Variants in PCDHA2 observed in about 807,000 individuals in gnomAD.
The protein encoded by PCDHA2 is protocadherin alpha-2.
PCDHA2 carries 58 observed loss-of-function variants against 66.0 expected under a neutral mutation model. The ratio of observed to expected loss-of-function variants is 0.88; its 90% CI spans 0.71 to 1.09. The LOEUF (loss-of-function observed/expected upper bound fraction) is 1.09, where lower values mean the gene tolerates loss of function less well. PCDHA2 is among the 50% of genes least tolerant of loss of function. The pLI is 0.00. For synonymous variants in PCDHA2, 634 were observed against 554.0 expected (o/e 1.14, Z -2.03); for missense variants, 1,267 against 1,242.3 (o/e 1.02, Z -0.30).
chr5:140,986,366 G>A (rs149115330), intron 3 of PCDHA2, among the ~76,000 whole-genome samples: 226 of 152,252 alleles, frequency 1.5e-3, no homozygotes, highest in African/African-American at 5.1e-3. Context: ...GGAGGAATGC[G>A]TTTTGGGGGG....
At chr5:140,835,895 G>T in intron 1 of PCDHA2, 1 of 1,612,076 alleles carries the variant, frequency 6.2e-7, no homozygotes, top group Non-Finnish European at 8.5e-7. Flanking sequence ...AGCGCGCGCT[G>T]TCGAGCTACG....
chr5:140,925,299 T>C (rs2082428309), intron 1 of PCDHA2, among the ~76,000 whole-genome samples: 1 of 152,200 alleles, frequency 6.6e-6, no homozygotes, highest in African/African-American at 2.4e-5. Context: ...GTTTCATTAT[T>C]GGGGCTTTGG....
intron 1 of PCDHA2, among the ~76,000 whole-genome samples, chr5:140,975,124 C>T (rs560299893): frequency 6.6e-6 from 1 of 152,268 alleles, no homozygotes; most frequent in African/African-American, 2.4e-5. Flanking sequence ...TTCCTACTTA[C>T]TATTGGCCTG....
At chr5:140,969,304 C>CA in intron 1 of PCDHA2, 3 of 1,614,160 alleles carry the variant, frequency 1.9e-6, no homozygotes, top group Non-Finnish European at 2.5e-6. Flanking sequence ...TGATTATTCT[C>CA]AAAAATGAGG....
chr5:140,967,367 C>A (rs1390450808), intron 1 of PCDHA2: 1 of 1,607,250 alleles, frequency 6.2e-7, no homozygotes, highest in Non-Finnish European at 8.5e-7. Flanking sequence ...TAAGCCCCTG[C>A]AGGAGAACAG....
chr5:140,853,126 G>T, intron 1 of PCDHA2: 1 of 560,330 alleles, frequency 1.8e-6, no homozygotes. Flanking sequence ...TGATCCTCCC[G>T]CCTCAGCCTC....
Position 140,884,432 on chromosome 5 carries a change from C to A in PCDHA2, c.2388+87080C>A, listed in dbSNP as rs782413139. ...CACGTTGCTGCTGTATACTGCGCTG[C>A]GGTGCTCGGCACCGCCCACCGAGGG... On this transcript the variant is annotated intron_variant, in intron 1 of 3. Coordinates refer to ENST00000526136, the MANE Select transcript of PCDHA2 (RefSeq NM_018905.3). The A allele has an allele frequency of 4.3e-6, 7 of 1,613,764 alleles. No individual in the cohort carries two copies. The highest frequency in any genetic ancestry group is 5.1e-6 in the Non-Finnish European group (6 of 1,179,866).
At chr5:140,982,054 G>T (rs565307071) in intron 2 of PCDHA2, among the ~76,000 whole-genome samples, 1 of 152,322 alleles carries the variant, frequency 6.6e-6, no homozygotes, top group East Asian at 1.9e-4. Context: ...AAATATTTTA[G>T]TGTGTTTTCT....
At chr5:140,918,309 T>C (rs2078629927) in intron 1 of PCDHA2, among the ~76,000 whole-genome samples, 1 of 152,186 alleles carries the variant, frequency 6.6e-6, no homozygotes, top group Non-Finnish European at 1.5e-5. Context: ...TAGGGTTTTC[T>C]AGGTATAAAA....
intron 3 of PCDHA2, among the ~76,000 whole-genome samples, chr5:141,005,570 C>T (rs2098221993): frequency 6.6e-6 from 1 of 151,052 alleles, no homozygotes; most frequent in African/African-American, 2.4e-5. Context: ...GGCATGGTGG[C>T]GCGTGCCTGT....
intron 1 of PCDHA2, among the ~76,000 whole-genome samples, chr5:140,945,540 CA>C (rs1330025999): frequency 1.3e-5 from 2 of 151,706 alleles, no homozygotes; most frequent in African/African-American, 2.4e-5. Flanking sequence ...AACATACAAA[CA>C]AAAAAATGAA....
At chr5:140,983,178 A>G (rs1302819191) in intron 3 of PCDHA2, among the ~76,000 whole-genome samples, 2 of 152,158 alleles carry the variant, frequency 1.3e-5, no homozygotes, top group Admixed American at 6.5e-5. Context: ...CCGCCTCACA[A>G]TTTCTTAGTT....
At chr5:140,917,940 G>T (rs2078445007) in intron 1 of PCDHA2, among the ~76,000 whole-genome samples, 1 of 151,950 alleles carries the variant, frequency 6.6e-6, no homozygotes, top group African/African-American at 2.4e-5. Flanking sequence ...AATAATATTG[G>T]TAGTTTGATA....
intron 1 of PCDHA2, chr5:140,927,386 C>T: frequency 6.2e-7 from 1 of 1,614,106 alleles, no homozygotes; most frequent in African/African-American, 1.3e-5. Flanking sequence ...AGCCTAAGCC[C>T]CAGTCAGCAC....
At chr5:140,806,977 T>C (rs1170849994) in intron 1 of PCDHA2, 1 of 627,878 alleles carries the variant, frequency 1.6e-6, no homozygotes, top group African/African-American at 1.8e-5. Flanking sequence ...CTACTTACGG[T>C]TTGGAGCCAC....
At chr5:140,982,364 T>A in intron 2 of PCDHA2, 111 bp from the exon 3 acceptor site, 1 of 1,534,660 alleles carries the variant, frequency 6.5e-7, no homozygotes, top group Non-Finnish European at 8.8e-7. Flanking sequence ...ATGAGCAGAA[T>A]GTGTTAGCTG....
chr5:140,797,159 G>C lies in PCDHA2; in HGVS notation c.2195G>C (p.Arg732Pro). Residue 732 changes from arginine to proline, a missense_variant, in exon 1 of 4, where the codon CGC becomes CCC. Coordinates refer to ENST00000526136, the MANE Select transcript of PCDHA2 (RefSeq NM_018905.3). ...RCSVPPTEGA[R>P]APGKPTLVCS... The stretch of plus-strand genomic sequence containing the variant: ...TCGGTGCCACCCACCGAGGGTGCGC[G>C]CGCGCCAGGAAAGCCCACGCTGGTG... 1 of 1,613,998 alleles carries C rather than the reference G, an allele frequency of 6.2e-7. No homozygotes were observed. The highest frequency in any genetic ancestry group is 8.5e-7 in the Non-Finnish European group (1 of 1,179,996).
Position 140,982,534 on chromosome 5 carries a change from A to G in PCDHA2, c.2507A>G (p.Gln836Arg), listed in dbSNP as rs1554244431. Residue 836 changes from glutamine (Q) to arginine (R), a missense_variant, in exon 3 of 4, where the codon CAG becomes CGG. By Grantham distance (43) the Gln-to-Arg change is conservative. Transcript: ENST00000526136. ...GCTGGTCCAGGAGGGCCTGATCAGC[A>G]GTGGCCAACAGTATCCAGTGCAACA... ...LRAGPGGPDQ[Q>R]WPTVSSATPE... 1 of 1,614,222 alleles carries G rather than the reference A, an allele frequency of 6.2e-7. No homozygotes were observed. Among genetic ancestry groups the G allele is most frequent in the Non-Finnish European group, 8.5e-7 (1 of 1,180,036 alleles).
intron 1 of PCDHA2, among the ~76,000 whole-genome samples, chr5:140,949,947 A>G (rs1554219242): frequency 6.6e-6 from 1 of 151,676 alleles, no homozygotes; most frequent in African/African-American, 2.4e-5. Flanking sequence ...TGCATTTTTT[A>G]GTGGTTGCTG....
Sources: gnomAD v4.1 joint callset for allele counts (sites outside exome capture counted in the v4.1 genomes callset) on GRCh38, gnomAD v4.1.1 for gene constraint, MANE v1.5 for transcripts, NCBI Gene and HGNC (gene_info 2026-07-23, HGNC 2026-07-21) for gene names.